The following PAPOLA variants were observed in gnomAD, a reference collection of about 807,000 sequenced individuals.
PAPOLA encodes the protein polynucleotide adenylyltransferase alpha.
Under a neutral mutation model 100.6 loss-of-function variants are expected in PAPOLA, and 15 were observed. The ratio of observed to expected loss-of-function variants is 0.15; its 90% CI spans 0.10 to 0.23. The LOEUF is 0.23. Among genes scored for constraint, PAPOLA ranks in the 10% least tolerant of loss-of-function variants. The probability of loss-of-function intolerance (pLI) is 1.00; values close to 1 mark genes in which losing one functional copy is unlikely to be tolerated. For missense variants in PAPOLA, 533 were observed against 884.2 expected, an observed-to-expected ratio of 0.60 and a Z score of 5.04; for synonymous variants, 293 against 300.0, an observed-to-expected ratio of 0.98 and a Z score of 0.24.
Position 96,560,640 on chromosome 14 carries a change from T to TA in PAPOLA, c.2005-4dup, listed in dbSNP as rs200948815. ...TTTTAGAGAATAAAGCTTTTTTTTTTAAAAACAGGATGAAACAAGTGAAGA... is the reference window on the plus strand; with the variant it reads ...TTTTAGAGAATAAAGCTTTTTTTTTTAAAAAACAGGATGAAACAAGTGAAGA... On this transcript the variant is annotated splice_polypyrimidine_tract_variant and intron_variant, in intron 19 of 21. Coordinates refer to ENST00000216277, the MANE Select transcript of PAPOLA (RefSeq NM_032632.5). 1.8e-5 allele frequency: 28 copies of TA among 1,557,800 alleles called. No homozygotes were observed. The highest frequency in any genetic ancestry group is 6.8e-5 in the East Asian group (3 of 44,416).
rs1595566971 is a variant in PAPOLA at position 96,565,858 on chromosome 14, T to C, written c.*808T>C. On this transcript the variant is annotated 3_prime_UTR_variant, in exon 22 of 22. Coordinates refer to ENST00000216277, the MANE Select transcript of PAPOLA (RefSeq NM_032632.5). ...AAACAAAAAAAGCTTCTTGCGCCTT[T>C]CCCTCCCCTGTTTTCTTCCTTTTTC... The C allele has an allele frequency of 9.8e-5, 39 of 398,398 alleles. No individual in the cohort carries two copies. The East Asian group carries it at 1.4e-3, about 14-fold the overall frequency. The allele number at this position is 398,398 out of a possible 1,614,324, so 24.7% of individuals were successfully genotyped here.
chr14:96,544,762 C>A (rs1329318308), intron 15 of PAPOLA, among the ~76,000 whole-genome samples: 1 of 152,028 alleles, frequency 6.6e-6, no homozygotes, highest in Non-Finnish European at 1.5e-5. Context: ...TAGACTGAAT[C>A]TGTGTCTAAC....
At chr14:96,530,555 T>C (rs1422689783) in intron 6 of PAPOLA, among the ~76,000 whole-genome samples, 1 of 151,944 alleles carries the variant, frequency 6.6e-6, no homozygotes, top group African/African-American at 2.4e-5. Flanking sequence ...GCCTGGCTAA[T>C]TTTTAATTTT....
At chr14:96,532,301 TGTG>T (rs777543956) in intron 7 of PAPOLA, 27 bp from the exon 8 acceptor site, 6 of 1,585,728 alleles carry the variant, frequency 3.8e-6, no homozygotes, top group South Asian at 1.2e-5. Context: ...TGTGTGTGTG[TGTG>T]TGTTTTTTTT....
rs535662449 is a variant in PAPOLA, at chr14:96,566,125, T to G, written c.*1075T>G. The G allele has an allele frequency of 1.3e-5, 5 of 391,098 alleles. No homozygotes were observed. Among genetic ancestry groups the G allele is most frequent in the Non-Finnish European group, 2.3e-5 (5 of 221,058 alleles). 24.2% of individuals were successfully genotyped at this position (391,098 alleles called of 1,614,324 possible). On this transcript the variant is annotated 3_prime_UTR_variant, in exon 22 of 22. Transcript: ENST00000216277. ...CACTCCACAGAACTCCTATCTATAG[T>G]AAAATTGATTTTCAGTTTTAAATGT... is the stretch of plus-strand genomic sequence containing the variant.
At position 96,536,005 on chromosome 14, in the gene PAPOLA, T is replaced by G; in HGVS notation, c.1030+6T>G. On this transcript the variant is annotated splice_donor_region_variant and intron_variant, in intron 11 of 21. Transcript: ENST00000216277. ...GGTTGAGGAGTTTAAACAAGGTAAG[T>G]GTTTATCCTTATGCTCTGATTTATA... 1 of 1,590,442 alleles carries G rather than the reference T, an allele frequency of 6.3e-7. No individual in the cohort carries two copies. The highest frequency in any genetic ancestry group is 8.6e-7 in the Non-Finnish European group (1 of 1,168,046).
chr14:96,521,845 T>G (rs983556714), intron 3 of PAPOLA, among the ~76,000 whole-genome samples: 1 of 152,160 alleles, frequency 6.6e-6, no homozygotes, highest in African/African-American at 2.4e-5. Context: ...AGAGTCTCAC[T>G]CTGTCACCCA....
chr14:96,552,716 G>T, intron 17 of PAPOLA, 94 bp downstream of exon 17: 2 of 1,138,376 alleles, frequency 1.8e-6, no homozygotes, highest in East Asian at 2.6e-5. Flanking sequence ...TATTTAGAAT[G>T]TTATTTTCAT....
intron 11 of PAPOLA, 150 bp from the exon 12 acceptor site, chr14:96,536,826 A>T (rs1176272398): frequency 8.8e-6 from 5 of 568,746 alleles, no homozygotes; most frequent in African/African-American, 3.9e-5. Context: ...TATATATATA[A>T]GAGTATGCTC....
intron 20 of PAPOLA, 58 bp from the exon 21 acceptor site, chr14:96,562,761 G>T: frequency 1.9e-6 from 2 of 1,050,452 alleles, no homozygotes; most frequent in East Asian, 2.4e-5. Flanking sequence ...ACCCAGTTAT[G>T]TTCTTTTATT....
At chr14:96,504,046 T>A (rs1159038622) in intron 1 of PAPOLA, among the ~76,000 whole-genome samples, 1 of 152,230 alleles carries the variant, frequency 6.6e-6, no homozygotes, top group Non-Finnish European at 1.5e-5. Context: ...GATTTTTCCC[T>A]TTCATAGAAT....
intron 1 of PAPOLA, among the ~76,000 whole-genome samples, chr14:96,505,678 C>T (rs968275642): frequency 6.6e-5 from 10 of 152,050 alleles, no homozygotes; most frequent in Non-Finnish European, 2.9e-5. Context: ...CTTCCCAGAG[C>T]GGGATCTGTG....
intron 17 of PAPOLA, among the ~76,000 whole-genome samples, chr14:96,555,390 T>A (rs544001918): frequency 1.3e-5 from 2 of 152,150 alleles, no homozygotes; most frequent in East Asian, 3.9e-4. Context: ...AATAACTTTT[T>A]AAAGGATTTT....
intron 7 of PAPOLA, 149 bp downstream of exon 7, chr14:96,531,735 A>G: frequency 3.4e-6 from 5 of 1,489,220 alleles, no homozygotes; most frequent in Non-Finnish European, 4.4e-6. Context: ...TAAACTACAG[A>G]AGAGTATGTA....
At chr14:96,534,367 C>G in intron 9 of PAPOLA, 124 bp from the exon 10 acceptor site, 1 of 1,490,346 alleles carries the variant, frequency 6.7e-7, no homozygotes, top group South Asian at 1.4e-5. Flanking sequence ...AGGATTAAAA[C>G]GTTGTATGTA....
chr14:96,511,004 C>A (rs1441139735), intron 1 of PAPOLA, among the ~76,000 whole-genome samples: 1 of 152,124 alleles, frequency 6.6e-6, no homozygotes, highest in African/African-American at 2.4e-5. Context: ...AAGGTTAAGA[C>A]CTTTAAACAG....
intron 1 of PAPOLA, 53 bp from the exon 2 acceptor site, chr14:96,520,002 G>A: frequency 7.0e-7 from 1 of 1,431,338 alleles, no homozygotes; most frequent in Non-Finnish European, 9.6e-7. Flanking sequence ...TTACTGATTT[G>A]TTTCAAATTG....
rs113419164 is a variant in PAPOLA at position 96,530,507 on chromosome 14, C to A, written c.496-968C>A. Among the ~76,000 whole-genome samples, 843 of 151,972 alleles carry A rather than the reference C, an allele frequency of 5.5e-3. 7 individuals carry two copies. The highest frequency in any genetic ancestry group is 8.0e-3 in the Non-Finnish European group (542 of 67,958). On this transcript the variant is annotated intron_variant, in intron 6 of 21. Transcript: ENST00000216277. ...GCTCAAGGGATCCTCCTACCTCAGC[C>A]CCCCCAAGTAGGTGGGACTACAGGC...
At chr14:96,538,180 A>T (rs879566002) in intron 12 of PAPOLA, among the ~76,000 whole-genome samples, 2 of 151,988 alleles carry the variant, frequency 1.3e-5, no homozygotes, top group Non-Finnish European at 2.9e-5. Flanking sequence ...TATAAAAGAG[A>T]CACAGTTACA....
Sources: allele counts gnomAD v4.1 joint callset (sites outside exome capture counted in the v4.1 genomes callset), GRCh38; gene constraint gnomAD v4.1.1; transcripts MANE v1.5; gene names NCBI Gene and HGNC (gene_info 2026-07-23, HGNC 2026-07-21).